SHANK1: variants seen among roughly 807,000 people sequenced by gnomAD.
The protein encoded by SHANK1 is SH3 and multiple ankyrin repeat domains 1.
SHANK1 carries 35 observed loss-of-function variants against 165.6 expected under a neutral mutation model. The ratio of observed to expected loss-of-function variants is 0.21; its 90% CI spans 0.16 to 0.28. The LOEUF (loss-of-function observed/expected upper bound fraction) is 0.28. Among genes scored for constraint, SHANK1 ranks in the 10% least tolerant of loss-of-function variants. SHANK1 has a pLI of 1.00. For synonymous variants in SHANK1, 1,428 were observed against 1,384.8 expected (o/e 1.03, Z -0.69); for missense variants, 2,681 against 3,036.4 (o/e 0.88, Z 2.75).
intron 12 of SHANK1, among the ~76,000 whole-genome samples, chr19:50,701,591 C>A (rs1986917580): frequency 6.7e-6 from 1 of 149,226 alleles, no homozygotes; most frequent in African/African-American, 2.4e-5. Flanking sequence ...TCCCATTTTA[C>A]AGATGAAGAA....
At chr19:50,681,253 C>G (rs1427020604) in intron 21 of SHANK1, among the ~76,000 whole-genome samples, 1 of 151,950 alleles carries the variant, frequency 6.6e-6, no homozygotes, top group African/African-American at 2.4e-5. Context: ...GCAGAGAGAG[C>G]CTCCGACATG....
At chr19:50,700,102 G>A (rs1430742733) in intron 12 of SHANK1, among the ~76,000 whole-genome samples, 2 of 144,756 alleles carry the variant, frequency 1.4e-5, no homozygotes, top group African/African-American at 5.2e-5. Flanking sequence ...CGGGGCATTG[G>A]GGGATTGGAG....
At chr19:50,679,883 T>G (rs541700639) in intron 21 of SHANK1, among the ~76,000 whole-genome samples, 2 of 138,962 alleles carry the variant, frequency 1.4e-5, no homozygotes, top group Non-Finnish European at 3.1e-5. Flanking sequence ...AAGGCAAAGA[T>G]GGGGAGAGAG....
At chr19:50,699,946 G>C (rs1314347094) in intron 12 of SHANK1, among the ~76,000 whole-genome samples, 39 of 136,178 alleles carry the variant, frequency 2.9e-4, no homozygotes, top group African/African-American at 9.5e-4. Flanking sequence ...AGGGCTCGGG[G>C]CATTGGAGGA....
intron 21 of SHANK1, among the ~76,000 whole-genome samples, chr19:50,685,447 T>C (rs1986301860): frequency 6.6e-6 from 1 of 152,136 alleles, no homozygotes; most frequent in Non-Finnish European, 1.5e-5. Flanking sequence ...ATTTGATGTC[T>C]GGCTGGTGGC....
chr19:50,702,939 C>T lies in SHANK1; in HGVS notation c.1554-279G>A, dbSNP rs532100536. On this transcript the variant is annotated intron_variant, in intron 11 of 23. Transcript: ENST00000293441. This position sits in a 1 kb window ranked among gnomAD's most constrained non-coding sequence, Gnocchi z 5.3. ...TCAGCTTCCTGAGGCTGAGCTGGGA[C>T]TGTGTCATCCCTCCGCTCACGAGCC... is the stretch of plus-strand genomic sequence containing the variant. Among the ~76,000 whole-genome samples the T allele has an allele frequency of 6.6e-6, 1 of 152,138 alleles. No homozygotes were observed. Among genetic ancestry groups the T allele is most frequent in the South Asian group, 2.1e-4 (1 of 4,818 alleles).
rs771596638 is a variant in SHANK1, at chr19:50,690,112, T to C, written c.1965-833A>G. Among the ~76,000 whole-genome samples, 7 of 152,184 alleles carry C rather than the reference T, an allele frequency of 4.6e-5. No homozygotes were observed. The highest frequency in any genetic ancestry group is 7.2e-5 in the African/African-American group (3 of 41,412). ...ATTTCCATTGCTGCAAAGCTCCCCG[T>C]GGACAGCACTGTCTTCTGTATTCCC... On this transcript the variant is annotated intron_variant, in intron 15 of 23. Transcript: ENST00000293441. This position sits in a 1 kb window ranked among gnomAD's most constrained non-coding sequence, Gnocchi z 4.9.
rs1446821545 is a variant in SHANK1 at position 50,690,728 on chromosome 19, C to T, written c.1965-1449G>A. Among the ~76,000 whole-genome samples, 1 of 152,088 alleles carries T rather than the reference C, an allele frequency of 6.6e-6. No individual in the cohort carries two copies. The highest frequency in any genetic ancestry group is 1.5e-5 in the Non-Finnish European group (1 of 68,020). ...ATACTCCAGTATGTTTCGGCAACCCCCACACATCCCAGTATGTTCCAATAA... is the reference window on the plus strand; with the variant it reads ...ATACTCCAGTATGTTTCGGCAACCCTCACACATCCCAGTATGTTCCAATAA... On this transcript the variant is annotated intron_variant, in intron 15 of 23. Coordinates refer to ENST00000293441, the MANE Select transcript of SHANK1 (RefSeq NM_016148.5). The surrounding 1 kb of genome is among the most constrained non-coding windows in gnomAD (Gnocchi z 4.9).
In SHANK1 at chr19:50,697,770, C is replaced by T. The variant is rs1002772234; in HGVS notation, c.1861+73G>A. 9.3e-6 allele frequency: 14 copies of T among 1,510,648 alleles called. No individual in the cohort carries two copies. The African/African-American group carries it at 1.8e-4, about 19-fold the overall frequency. The allele number at this position is 1,510,648 out of a possible 1,614,324, so 93.6% of individuals were successfully genotyped here. A position where few individuals can be genotyped will look rare whatever the true frequency, so the allele number is the denominator to read the frequency against. On this transcript the variant is annotated intron_variant, in intron 13 of 23. Coordinates refer to ENST00000293441, the MANE Select transcript of SHANK1 (RefSeq NM_016148.5). The surrounding 1 kb of genome is among the most constrained non-coding windows in gnomAD (Gnocchi z 4.7). ...CCCATCTACCTCCCAGTACCCCACC[C>T]CCATTAGGAAGGGAAAGGAGTGGAC...
rs1019745747 is a variant in SHANK1, at chr19:50,666,641, G to T, written c.5319C>A (p.Ser1773Arg). 1.3e-6 allele frequency: 2 copies of T among 1,594,654 alleles called. No homozygotes were observed. The highest frequency in any genetic ancestry group is 1.3e-5 in the African/African-American group (1 of 74,766). ...GASGGLRPGP[S>R]GGLRDPVTPT... The stretch of plus-strand genomic sequence containing the variant: ...GGGTAACAGGGTCTCGGAGTCCCCC[G>T]CTGGGGCCAGGCCGCAGGCCTCCGC... Residue 1773 changes from serine to arginine, a missense_variant, in exon 23 of 24, where the codon AGC becomes AGA. Around this residue, in one of 10 missense-constraint regions of SHANK1, gnomAD observed 1,713 missense variants for 1,630.2 expected, o/e 1.05. Coordinates refer to ENST00000293441, the MANE Select transcript of SHANK1 (RefSeq NM_016148.5).
chr19:50,692,952 G>A (rs113712996), intron 15 of SHANK1, among the ~76,000 whole-genome samples: 3 of 144,522 alleles, frequency 2.1e-5, no homozygotes, highest in African/African-American at 5.2e-5. Flanking sequence ...CTTGTCCTGC[G>A]ACCTCTCCCT....
Position 50,688,036 on chromosome 19 carries a change from T to C in SHANK1, c.2195A>G (p.Lys732Arg), listed in dbSNP as rs777323277. 3.1e-6 allele frequency: 5 copies of C among 1,614,046 alleles called. No individual in the cohort carries two copies. The highest frequency in any genetic ancestry group is 2.2e-5 in the East Asian group (1 of 44,858). The part of the protein sequence containing the change: ...LIEVNGQNVV[K>R]VGHRQVVNMI... ...GTTCACCACCTGTCGGTGGCCGACC[T>C]TCACCACATTCTGCCCGTTCACCTG... The change falls in exon 18 of 24, where the codon AAG (lysine) becomes AGG (arginine). Residue 732 changes from lysine to arginine, a missense_variant. By Grantham distance (26) the Lys-to-Arg change is conservative. This residue lies in a region of SHANK1 where 147 missense variants were observed against 256.5 expected (regional missense o/e 0.57). Coordinates refer to ENST00000293441, the MANE Select transcript of SHANK1 (RefSeq NM_016148.5). The surrounding 1 kb of genome is among the most constrained non-coding windows in gnomAD (Gnocchi z 6.7).
At position 50,662,818 on chromosome 19, in the gene SHANK1, CG is replaced by C; in HGVS notation, c.5769-137del. On this transcript the variant is annotated intron_variant, in intron 23 of 23. Transcript: ENST00000293441. The surrounding 1 kb of genome is among the most constrained non-coding windows in gnomAD (Gnocchi z 7.7). ...GGTAGGGGGAGAGACGGAGGAGAGA[CG>C]GGAAGAAATGGAGGGAGCAAGGGGT... 2 of 827,918 alleles carry C rather than the reference CG, an allele frequency of 2.4e-6. No individual in the cohort carries two copies. The highest frequency in any genetic ancestry group is 3.7e-6 in the Non-Finnish European group (2 of 538,060). 51.3% of individuals were successfully genotyped at this position (827,918 alleles called of 1,614,324 possible). A position where few individuals can be genotyped will look rare whatever the true frequency, so the allele number is the denominator to read the frequency against.
Position 50,686,401 on chromosome 19 carries a change from G to C in SHANK1, c.2459-46C>G. 1 of 1,393,408 alleles carries C rather than the reference G, an allele frequency of 7.2e-7. No individual in the cohort carries two copies. The highest frequency in any genetic ancestry group is 1.3e-5 in the South Asian group (1 of 75,956). 86.3% of individuals were successfully genotyped at this position (1,393,408 alleles called of 1,614,324 possible). ...AGAGGTGGGAAGACAATGAAATGAA[G>C]TTTGCTTTGACCCGGGCCGCAAAGA... On this transcript the variant is annotated intron_variant, in intron 20 of 23. Transcript: ENST00000293441. The surrounding 1 kb of genome is among the most constrained non-coding windows in gnomAD (Gnocchi z 5.7).
rs757064646 is a variant in SHANK1 at position 50,697,660 on chromosome 19, G to A, written c.1866C>T (p.Ser622=). 1 of 1,613,742 alleles carries A rather than the reference G, an allele frequency of 6.2e-7. No individual in the cohort carries two copies. The highest frequency in any genetic ancestry group is 1.1e-5 in the South Asian group (1 of 91,076). ...ANRSQESKQE[S]RSDKAKRLFR... ...AGAGTCTCTTTGCCTTGTCACTGCG[G>A]CTTTCTGCAGGGTGACAACAGACAA... The change falls in exon 14 of 24, where the codon AGC becomes AGT. Residue 622 remains serine (S), a synonymous_variant. Transcript: ENST00000293441. The surrounding 1 kb of genome is among the most constrained non-coding windows in gnomAD (Gnocchi z 4.7).
In SHANK1 at chr19:50,704,420, C is replaced by G; in HGVS notation, c.1155+17G>C. Reference sequence around the variant, plus strand: ...CTTAGCCCTGGAAACTCCAGCACATCCCCTGCAGCCCCAGACCTGGAAGGG... The same window carrying G: ...CTTAGCCCTGGAAACTCCAGCACATGCCCTGCAGCCCCAGACCTGGAAGGG... On this transcript the variant is annotated intron_variant, in intron 9 of 23. Coordinates refer to ENST00000293441, the MANE Select transcript of SHANK1 (RefSeq NM_016148.5). The G allele has an allele frequency of 1.2e-6, 2 of 1,612,596 alleles. No homozygotes were observed. Among genetic ancestry groups the G allele is most frequent in the African/African-American group, 1.3e-5 (1 of 75,022 alleles).
rs1986427600 is a variant in SHANK1 at position 50,688,345 on chromosome 19, G to A, written c.2173-287C>T. 6.6e-6 allele frequency among the ~76,000 whole-genome samples: 1 copy of A among 152,060 alleles called. No homozygotes were observed. The highest frequency in any genetic ancestry group is 2.4e-5 in the African/African-American group (1 of 41,388). ...TTTACTTTTATTTTTAAAAGACAGG[G>A]TCTCTCTCTGTCACCCAGGTTGGGG... On this transcript the variant is annotated intron_variant, in intron 17 of 23. Coordinates refer to ENST00000293441, the MANE Select transcript of SHANK1 (RefSeq NM_016148.5). The surrounding 1 kb of genome is among the most constrained non-coding windows in gnomAD (Gnocchi z 6.7).
chr19:50,674,805 T>C (rs1985922423), intron 21 of SHANK1, among the ~76,000 whole-genome samples: 1 of 152,118 alleles, frequency 6.6e-6, no homozygotes, highest in African/African-American at 2.4e-5. Flanking sequence ...CTCATGCCTG[T>C]AATCCCAGCA....
chr19:50,705,955 G>A (rs1227715434), intron 8 of SHANK1, among the ~76,000 whole-genome samples: 3 of 152,120 alleles, frequency 2.0e-5, no homozygotes, highest in African/African-American at 7.2e-5. Context: ...CCAGGAGTTT[G>A]AGACCAGCCT....
Sources: allele counts gnomAD v4.1 joint callset (sites outside exome capture counted in the v4.1 genomes callset), GRCh38; gene constraint gnomAD v4.1.1; regional missense constraint gnomAD v4.1.1; non-coding constraint Gnocchi (gnomAD v3.1); transcripts MANE v1.5; gene names NCBI Gene and HGNC (gene_info 2026-07-23, HGNC 2026-07-21).